TRHDE: variants seen among roughly 807,000 people sequenced by gnomAD.
The protein encoded by TRHDE is thyrotropin releasing hormone degrading enzyme.
In TRHDE, 72 loss-of-function variants were observed where a neutral mutation model predicts 125.7. The observed-to-expected ratio is 0.57, with a 90% CI of 0.47 to 0.70. The LOEUF is 0.70. TRHDE is among the 30% of genes least tolerant of loss of function. TRHDE has a pLI of 0.00. For synonymous variants in TRHDE, 509 were observed against 509.1 expected (o/e 1.00, Z 0.00); for missense variants, 1,110 against 1,327.1 (o/e 0.84, Z 2.54).
At chr12:72,500,849 C>CTTTTTTTTTT (rs11314911) in intron 6 of TRHDE, among the ~76,000 whole-genome samples, 2 of 109,350 alleles carry the variant, frequency 1.8e-5, no homozygotes, top group Admixed American at 9.8e-5. Flanking sequence ...CAACTTTGTT[C>CTTTTTTTTTT]TTTTTTTTTT....
rs564587642 is a variant in TRHDE, at chr12:72,490,462, C to T, written c.1585-9036C>T. Among the ~76,000 whole-genome samples the T allele has an allele frequency of 3.3e-5, 5 of 151,912 alleles. No homozygotes were observed. The East Asian group carries it at 9.7e-4, about 29-fold the overall frequency. ...ACTACCACATGACCCAGCAATCCCT[C>T]TTCTGCATACATACCCAAAGGAAAT... On this transcript the variant is annotated intron_variant, in intron 5 of 18. Coordinates refer to ENST00000261180, the MANE Select transcript of TRHDE (RefSeq NM_013381.3).
chr12:72,641,481 T>C (rs951040643), intron 15 of TRHDE, among the ~76,000 whole-genome samples: 6 of 152,234 alleles, frequency 3.9e-5, no homozygotes, highest in African/African-American at 1.2e-4. Flanking sequence ...AGTCTATTTT[T>C]ACTAAGAACG....
At chr12:72,269,375 A>C (rs955186677), upstream of TRHDE, among the ~76,000 whole-genome samples, 1 of 152,186 alleles carries the variant, frequency 6.6e-6, no homozygotes, top group African/African-American at 2.4e-5. Context: ...TGTCCATTCT[A>C]TATTAATAAT....
intron 2 of TRHDE, among the ~76,000 whole-genome samples, chr12:72,348,505 A>T (rs1015278396): frequency 3.9e-5 from 6 of 152,024 alleles, no homozygotes; most frequent in Admixed American, 1.3e-4. Flanking sequence ...GAAATATTTT[A>T]AAAAGATTAT....
intron 2 of TRHDE, among the ~76,000 whole-genome samples, chr12:72,294,914 G>A (rs562589011): frequency 2.3e-3 from 354 of 152,148 alleles, no homozygotes; most frequent in African/African-American, 8.1e-3. Context: ...ACACCCAGCA[G>A]TGCTGTGACA....
At chr12:72,384,703 A>G (rs1034740270) in intron 3 of TRHDE, among the ~76,000 whole-genome samples, 2 of 152,154 alleles carry the variant, frequency 1.3e-5, no homozygotes, top group Non-Finnish European at 2.9e-5. Context: ...TAGTTAAATT[A>G]TGGGATAAAT....
intron 15 of TRHDE, among the ~76,000 whole-genome samples, chr12:72,635,066 G>A (rs879361947): frequency 1.6e-4 from 24 of 151,284 alleles, no homozygotes; most frequent in Non-Finnish European, 2.7e-4. Context: ...AGATCCCTGA[G>A]GAATCGCCAC....
intron 12 of TRHDE, among the ~76,000 whole-genome samples, chr12:72,591,632 G>GTTTTTTTTTTTTTTTTTTTTTT (rs71071842): frequency 3.8e-4 from 48 of 125,432 alleles, no homozygotes; most frequent in African/African-American, 1.4e-3. Flanking sequence ...AAGGATATGG[G>GTTTTTTTTTTTTTTTTTTTTTT]TTTTTTTTTT....
intron 4 of TRHDE, among the ~76,000 whole-genome samples, chr12:72,471,646 G>C (rs367773222): frequency 6.6e-6 from 1 of 152,114 alleles, no homozygotes; most frequent in African/African-American, 2.4e-5. Flanking sequence ...CAATTCTGAA[G>C]ATAGGATTTC....
chr12:72,391,491 TG>T (rs1359940181), intron 3 of TRHDE, among the ~76,000 whole-genome samples: 1 of 152,228 alleles, frequency 6.6e-6, no homozygotes, highest in East Asian at 1.9e-4. Flanking sequence ...TATTCTTTAT[TG>T]GCTTTATTTT....
intron 2 of TRHDE, among the ~76,000 whole-genome samples, chr12:72,219,239 T>G (rs570521252): frequency 3.9e-5 from 6 of 152,220 alleles, no homozygotes; most frequent in African/African-American, 1.2e-4. Flanking sequence ...ATCTATCAAT[T>G]TATTAGGACT....
chr12:72,458,625 A>G (rs1432029457), intron 3 of TRHDE, among the ~76,000 whole-genome samples: 2 of 152,082 alleles, frequency 1.3e-5, no homozygotes, highest in Non-Finnish European at 2.9e-5. Flanking sequence ...AGATATCTCT[A>G]TTTGGATGTT....
At chr12:72,604,048 TA>T (rs895105047) in intron 12 of TRHDE, among the ~76,000 whole-genome samples, 25 of 150,378 alleles carry the variant, frequency 1.7e-4, no homozygotes, top group South Asian at 6.3e-4. Flanking sequence ...GAATCAAAGA[TA>T]AAAAAAAAGA....
At chr12:72,221,574 G>A (rs564662808) in intron 2 of TRHDE, among the ~76,000 whole-genome samples, 1 of 152,086 alleles carries the variant, frequency 6.6e-6, no homozygotes, top group African/African-American at 2.4e-5. Context: ...TAGAAAAGGT[G>A]CAGAACTAGG....
chr12:72,438,203 A>C (rs1874833169), intron 3 of TRHDE, among the ~76,000 whole-genome samples: 1 of 151,894 alleles, frequency 6.6e-6, no homozygotes, highest in African/African-American at 2.4e-5. Flanking sequence ...ATTTGATTCC[A>C]TATCTTGGCT....
At chr12:72,157,058 TG>T (rs1303050957) in intron 2 of TRHDE, among the ~76,000 whole-genome samples, 2 of 151,990 alleles carry the variant, frequency 1.3e-5, no homozygotes, top group Non-Finnish European at 2.9e-5. Context: ...AGCCAATATC[TG>T]GGGGATGATT....
chr12:72,340,193 T>C (rs906768521), intron 2 of TRHDE, among the ~76,000 whole-genome samples: 1 of 152,064 alleles, frequency 6.6e-6, no homozygotes, highest in Non-Finnish European at 1.5e-5. Context: ...GATAGAGAAG[T>C]CATGATTGAT....
intron 2 of TRHDE, among the ~76,000 whole-genome samples, chr12:72,235,823 T>A (rs1878328849): frequency 6.6e-6 from 1 of 152,114 alleles, no homozygotes; most frequent in Admixed American, 6.5e-5. Context: ...TCACAAAACA[T>A]CTGCTAACAT....
At position 72,424,501 on chromosome 12, in the gene TRHDE, G is replaced by A. The variant is rs1286264488; in HGVS notation, c.1316-45257G>A. Among the ~76,000 whole-genome samples, 7 of 152,272 alleles carry A rather than the reference G, an allele frequency of 4.6e-5. No homozygotes were observed. In the East Asian group the frequency reaches 1.4e-3, roughly 29 times the overall value. ...CCTTGCTTTTAGCCCAGTGAGACCTGTGTTGGACTTATAATCTCCAGAATT... is the reference window on the plus strand; with the variant it reads ...CCTTGCTTTTAGCCCAGTGAGACCTATGTTGGACTTATAATCTCCAGAATT... On this transcript the variant is annotated intron_variant, in intron 3 of 18. Coordinates refer to ENST00000261180, the MANE Select transcript of TRHDE (RefSeq NM_013381.3).
Sources: allele counts gnomAD v4.1 joint callset (sites outside exome capture counted in the v4.1 genomes callset), GRCh38; gene constraint gnomAD v4.1.1; transcripts MANE v1.5; gene names NCBI Gene and HGNC (gene_info 2026-07-23, HGNC 2026-07-21).